Variants in SCGB2B2 observed in about 807,000 individuals in gnomAD.
SCGB2B2 encodes the protein secretoglobin family 2B member 2.
SCGB2B2 carries 11 observed loss-of-function variants against 7.6 expected under a neutral mutation model. That is an observed-to-expected ratio of 1.45 (90% CI 0.91 to 2.40). The LOEUF is 2.40. Ranked by LOEUF, SCGB2B2 falls within the 30% of genes most tolerant of loss-of-function variation. The probability of loss-of-function intolerance (pLI) is 0.00; values close to 1 mark genes in which losing one functional copy is unlikely to be tolerated. For missense variants in SCGB2B2, 104 were observed against 115.4 expected, an observed-to-expected ratio of 0.90 and a Z score of 0.45; for synonymous variants, 50 against 48.6, an observed-to-expected ratio of 1.03 and a Z score of -0.12.
At chr19:34,666,586 C>G (rs979794993) in intron 1 of SCGB2B2, among the ~76,000 whole-genome samples, 1 of 152,172 alleles carries the variant, frequency 6.6e-6, no homozygotes, top group Non-Finnish European at 1.5e-5. Flanking sequence ...CACCTCTCCC[C>G]GACTCTCCAG....
At chr19:34,590,329 A>G (rs1044531411), downstream of SCGB2B2, among the ~76,000 whole-genome samples, 3 of 151,988 alleles carry the variant, frequency 2.0e-5, no homozygotes, top group African/African-American at 7.3e-5. Context: ...CTATGATTCT[A>G]TTTTCCATCC....
downstream of SCGB2B2, among the ~76,000 whole-genome samples, chr19:34,586,832 A>ATTCT (rs1225535635): frequency 6.6e-6 from 1 of 152,202 alleles, no homozygotes; most frequent in Non-Finnish European, 1.5e-5. Flanking sequence ...CCACTGGTTC[A>ATTCT]TTCTTTATTC....
intron 1 of SCGB2B2, among the ~76,000 whole-genome samples, chr19:34,658,815 A>ACAAC (rs748899121): frequency 9.8e-5 from 11 of 111,944 alleles, no homozygotes; most frequent in East Asian, 2.3e-4. Flanking sequence ...AACAACAACA[A>ACAAC]AAAAAAAAAA....
chr19:34,593,268 C>T lies in SCGB2B2; in HGVS notation c.*287G>A. ...CCAGAAGGTGGAGGCTGCAGTGAGC[C>T]AAGATCGCGCCAATGCACTCCAGCC... On this transcript the variant is annotated 3_prime_UTR_variant, in exon 4 of 4. Coordinates refer to ENST00000601241, the MANE Select transcript of SCGB2B2 (RefSeq NM_001025591.4). 1 of 343,520 alleles carries T rather than the reference C, an allele frequency of 2.9e-6. No homozygotes were observed. Among genetic ancestry groups the T allele is most frequent in the South Asian group, 6.4e-5 (1 of 15,576 alleles). 21.3% of individuals were successfully genotyped at this position (343,520 alleles called of 1,614,324 possible). A position where few individuals can be genotyped will look rare whatever the true frequency, so the allele number is the denominator to read the frequency against.
rs367773114 is a variant in SCGB2B2 at position 34,662,212 on chromosome 19, ATTC to A, written c.-2032+13415_-2032+13417del. Among the ~76,000 whole-genome samples, 1,112 of 152,182 alleles carry A rather than the reference ATTC, an allele frequency of 7.3e-3. 10 individuals carry two copies. Among genetic ancestry groups the A allele is most frequent in the African/African-American group, 0.025 (1,055 of 41,492 alleles). On this transcript the variant is annotated intron_variant, in intron 1 of 3. Transcript: ENST00000601241. The stretch of plus-strand genomic sequence containing the variant: ...TGTATTTTATGTGTGACCCAAAACA[ATTC>A]TTCTTCTTTCAGTGTGGCCCGTGGA...
At chr19:34,645,017 C>T (rs2066956919) in intron 1 of SCGB2B2, among the ~76,000 whole-genome samples, 1 of 152,248 alleles carries the variant, frequency 6.6e-6, no homozygotes, top group Non-Finnish European at 1.5e-5. Flanking sequence ...GAAAGTGCCT[C>T]ACCCAAGTGT....
intron 1 of SCGB2B2, chr19:34,640,381 G>C (rs1369006859): frequency 6.6e-6 from 1 of 152,226 alleles, no homozygotes; most frequent in Non-Finnish European, 1.5e-5. Flanking sequence ...AAAGTACTGG[G>C]ATTACAGGTG....
rs957867096 is a variant in SCGB2B2 at position 34,627,761 on chromosome 19, C to A, written c.-2031-31167G>T. Among the ~76,000 whole-genome samples, 3 of 152,290 alleles carry A rather than the reference C, an allele frequency of 2.0e-5. No individual in the cohort carries two copies. In the South Asian group the frequency reaches 6.2e-4, roughly 32 times the overall value. On this transcript the variant is annotated intron_variant, in intron 1 of 3. Coordinates refer to ENST00000601241, the MANE Select transcript of SCGB2B2 (RefSeq NM_001025591.4). Reference sequence around the variant, plus strand: ...TCCAGGAATTCAACTCCGCTCTGCACCAAGTGGACCTAATAGACATCTACA... The same window carrying A: ...TCCAGGAATTCAACTCCGCTCTGCAACAAGTGGACCTAATAGACATCTACA...
chr19:34,653,589 A>G lies in SCGB2B2; in HGVS notation c.-2032+22041T>C, dbSNP rs1027297037. Among the ~76,000 whole-genome samples, 5 of 151,352 alleles carry G rather than the reference A, an allele frequency of 3.3e-5. 1 individual carries two copies. The highest frequency in any genetic ancestry group is 1.2e-4 in the African/African-American group (5 of 40,618). ...TCTTCAATAACATAGTAGAAAACCA[A>G]GTTCAACACACATTAACAGAATTAT... On this transcript the variant is annotated intron_variant, in intron 1 of 3. Transcript: ENST00000601241.
chr19:34,632,223 T>C (rs1390530825), intron 1 of SCGB2B2, among the ~76,000 whole-genome samples: 1 of 152,196 alleles, frequency 6.6e-6, no homozygotes, highest in Non-Finnish European at 1.5e-5. Flanking sequence ...TTCTGAGATA[T>C]GTACCAAAAA....
At chr19:34,623,713 G>C (rs2066297221) in intron 1 of SCGB2B2, among the ~76,000 whole-genome samples, 1 of 152,196 alleles carries the variant, frequency 6.6e-6, no homozygotes, top group South Asian at 2.1e-4. Flanking sequence ...GGAGTGTCTT[G>C]ACTCTGTCCC....
rs372653222 is a variant in SCGB2B2 at position 34,641,259 on chromosome 19, C to T, written c.-2032+34371G>A. Among the ~76,000 whole-genome samples the T allele has an allele frequency of 4.9e-4, 74 of 152,256 alleles. 2 individuals are homozygous for T. The South Asian group carries it at 0.012, about 24-fold the overall frequency. The stretch of plus-strand genomic sequence containing the variant: ...AATAGTCCCCCTGGTGCACTGTATC[C>T]TGTCAAATCTTAAATGTGTGTATGC... On this transcript the variant is annotated intron_variant, in intron 1 of 3. Coordinates refer to ENST00000601241, the MANE Select transcript of SCGB2B2 (RefSeq NM_001025591.4).
downstream of SCGB2B2, among the ~76,000 whole-genome samples, chr19:34,589,080 G>A (rs1025446793): frequency 2.0e-5 from 3 of 152,102 alleles, no homozygotes; most frequent in Non-Finnish European, 2.9e-5. Flanking sequence ...GGTGTGTGGT[G>A]ACGTGATGAG....
intron 1 of SCGB2B2, among the ~76,000 whole-genome samples, chr19:34,612,709 T>A (rs550904022): frequency 4.6e-5 from 7 of 152,352 alleles, no homozygotes; most frequent in African/African-American, 1.7e-4. Context: ...CGTTTCTTTG[T>A]CAATTTTCTG....
intron 1 of SCGB2B2, among the ~76,000 whole-genome samples, chr19:34,639,887 C>A (rs1250638722): frequency 6.6e-6 from 1 of 151,908 alleles, no homozygotes; most frequent in Non-Finnish European, 1.5e-5. Flanking sequence ...TTGAAAGAGA[C>A]TAAGATAAGC....
downstream of SCGB2B2, among the ~76,000 whole-genome samples, chr19:34,588,858 G>GAGAACTTGGAGA (rs1329185253): frequency 6.6e-6 from 1 of 152,164 alleles, no homozygotes; most frequent in Non-Finnish European, 1.5e-5. Context: ...CTTGGAGAAG[G>GAGAACTTGGAGA]AGACCTGGAG....
intron 1 of SCGB2B2, among the ~76,000 whole-genome samples, chr19:34,625,939 G>A (rs2066364193): frequency 1.3e-5 from 2 of 152,198 alleles, no homozygotes; most frequent in Non-Finnish European, 2.9e-5. Context: ...GGAACGATCA[G>A]GCAGCAACAT....
rs140739920 is a variant in SCGB2B2 at position 34,667,727 on chromosome 19, A to G, written c.-2032+7903T>C. 3.2e-3 allele frequency among the ~76,000 whole-genome samples: 485 copies of G among 149,880 alleles called. 2 individuals carry two copies. The highest frequency in any genetic ancestry group is 0.011 in the African/African-American group (458 of 41,366). The stretch of plus-strand genomic sequence containing the variant: ...GCGTTTTCCCCAATTCTTTGTTCAA[A>G]ACAGCAAGAACCTGGAGACCCTCCT... On this transcript the variant is annotated intron_variant, in intron 1 of 3. Transcript: ENST00000601241.
chr19:34,664,300 C>G lies in SCGB2B2; in HGVS notation c.-2032+11330G>C, dbSNP rs117029537. Among the ~76,000 whole-genome samples, 10 of 152,352 alleles carry G rather than the reference C, an allele frequency of 6.6e-5. No homozygotes were observed. In the East Asian group the frequency reaches 1.9e-3, roughly 29 times the overall value. ...CCATGCAGGCCCCAAGGCCAGACTA[C>G]AGTGGGAGCCAGTGTGGCCAGGTGC... On this transcript the variant is annotated intron_variant, in intron 1 of 3. Transcript: ENST00000601241.
Sources: gnomAD v4.1 joint callset for allele counts (sites outside exome capture counted in the v4.1 genomes callset) on GRCh38, gnomAD v4.1.1 for gene constraint, MANE v1.5 for transcripts, NCBI Gene and HGNC (gene_info 2026-07-23, HGNC 2026-07-21) for gene names.